Variants in RBFOX2 observed in about 807,000 individuals in gnomAD.
RBFOX2 encodes RNA binding protein fox-1 homolog 2.
In RBFOX2, 10 loss-of-function variants were observed where a neutral mutation model predicts 49.1. That is an observed-to-expected ratio of 0.20 (90% confidence interval 0.13 to 0.35). RBFOX2 has a LOEUF of 0.35. Among genes scored for constraint, RBFOX2 ranks in the 10% least tolerant of loss-of-function variants. The pLI is 1.00. For synonymous variants in RBFOX2, 183 were observed against 187.4 expected, an observed-to-expected ratio of 0.98 and a Z score of 0.19; for missense variants, 323 against 486.9, an observed-to-expected ratio of 0.66 and a Z score of 3.17.
chr22:35,809,396 TGAAA>T (rs907122005), intron 2 of RBFOX2, among the ~76,000 whole-genome samples: 28 of 152,114 alleles, frequency 1.8e-4, no homozygotes, highest in Admixed American at 5.2e-4. Context: ...GATGTACAGA[TGAAA>T]GAAAGAAAGA....
chr22:35,964,071 C>T (rs2056418959), upstream of RBFOX2, among the ~76,000 whole-genome samples: 1 of 152,140 alleles, frequency 6.6e-6, no homozygotes, highest in South Asian at 2.1e-4. Flanking sequence ...CTCCACTTTG[C>T]AAACACAGAA....
At chr22:35,927,486 C>T (rs1476620820) in intron 1 of RBFOX2, among the ~76,000 whole-genome samples, 2 of 151,792 alleles carry the variant, frequency 1.3e-5, no homozygotes, top group Non-Finnish European at 2.9e-5. Context: ...TGCCTGTAAT[C>T]CCAGCTACTC....
At chr22:35,750,461 T>C (rs1385306519) in intron 9 of RBFOX2, 1 of 1,601,954 alleles carries the variant, frequency 6.2e-7, no homozygotes, top group South Asian at 1.1e-5. Flanking sequence ...ATTCTATCTG[T>C]GTGTGATTTG....
intron 1 of RBFOX2, chr22:35,995,701 T>C: frequency 6.4e-6 from 1 of 156,620 alleles, no homozygotes; most frequent in Non-Finnish European, 1.4e-5. Context: ...CTTCCCCTTC[T>C]GCCATGATTG....
chr22:35,792,583 T>G (rs1280600603), intron 2 of RBFOX2, among the ~76,000 whole-genome samples: 1 of 152,200 alleles, frequency 6.6e-6, no homozygotes. Flanking sequence ...ATATTCATTT[T>G]CTCATCTAAT....
At chr22:35,801,503 A>G (rs1338331132) in intron 2 of RBFOX2, among the ~76,000 whole-genome samples, 3 of 151,690 alleles carry the variant, frequency 2.0e-5, no homozygotes, top group African/African-American at 7.3e-5. Context: ...ATGGCTTATG[A>G]GCAGTGAATT....
At chr22:36,018,956 G>A (rs962644761) in intron 1 of RBFOX2, among the ~76,000 whole-genome samples, 13 of 152,166 alleles carry the variant, frequency 8.5e-5, no homozygotes, top group African/African-American at 2.4e-5. Flanking sequence ...GCAGTCTGGA[G>A]AGCGGGTTTG....
chr22:35,846,322 TTATA>T (rs1304230311), intron 1 of RBFOX2, among the ~76,000 whole-genome samples: 1 of 124,234 alleles, frequency 8.0e-6, no homozygotes, highest in Non-Finnish European at 1.6e-5. Flanking sequence ...GTAAATAAAT[TTATA>T]TAGTTGTGTG....
chr22:36,022,265 T>C (rs773429967), intron 1 of RBFOX2, among the ~76,000 whole-genome samples: 10 of 152,220 alleles, frequency 6.6e-5, no homozygotes, highest in Admixed American at 2.6e-4. Flanking sequence ...CTCAATTTCT[T>C]TCTCAGCAGT....
intron 1 of RBFOX2, among the ~76,000 whole-genome samples, chr22:35,935,764 C>T (rs1046690604): frequency 1.3e-5 from 2 of 152,070 alleles, no homozygotes; most frequent in African/African-American, 2.4e-5. Flanking sequence ...AGAAAAGGAC[C>T]CTCAGACAGA....
chr22:35,954,244 G>GA (rs769495965), intron 1 of RBFOX2, among the ~76,000 whole-genome samples: 12 of 151,848 alleles, frequency 7.9e-5, no homozygotes, highest in Admixed American at 4.6e-4. Flanking sequence ...TACTTAACTA[G>GA]AAAAAAATGG....
At chr22:35,871,634 C>G (rs540202738) in intron 1 of RBFOX2, among the ~76,000 whole-genome samples, 49 of 152,252 alleles carry the variant, frequency 3.2e-4, no homozygotes, top group African/African-American at 1.1e-3. Context: ...CTCACTTTTC[C>G]TAGCCACATG....
At chr22:35,843,873 C>T (rs2040833894), upstream of RBFOX2, among the ~76,000 whole-genome samples, 1 of 152,168 alleles carries the variant, frequency 6.6e-6, no homozygotes, top group South Asian at 2.1e-4. Context: ...TAGTATTTAT[C>T]AGATTCTCAA....
intron 1 of RBFOX2, among the ~76,000 whole-genome samples, chr22:35,855,861 C>T (rs2042451590): frequency 6.6e-6 from 1 of 151,956 alleles, no homozygotes; most frequent in African/African-American, 2.4e-5. Context: ...TCCATCTCTA[C>T]CCAGGCCTGG....
intron 1 of RBFOX2, among the ~76,000 whole-genome samples, chr22:35,821,404 C>T (rs1954439921): frequency 6.6e-6 from 1 of 151,792 alleles, no homozygotes; most frequent in African/African-American, 2.4e-5. Flanking sequence ...GAGTTCGAGA[C>T]CAGCCTGGCC....
intron 1 of RBFOX2, among the ~76,000 whole-genome samples, chr22:35,908,547 T>C (rs576820716): frequency 7.2e-5 from 11 of 152,240 alleles, no homozygotes; most frequent in Non-Finnish European, 1.6e-4. Flanking sequence ...TTCTACTGAA[T>C]GAACATTGGT....
chr22:36,027,650 G>A (rs1194426077), intron 1 of RBFOX2, among the ~76,000 whole-genome samples: 1 of 152,164 alleles, frequency 6.6e-6, no homozygotes, highest in African/African-American at 2.4e-5. Flanking sequence ...CAAAGTAAAT[G>A]AGACTGAGCA....
chr22:36,016,449 A>G (rs1304593346), intron 1 of RBFOX2, among the ~76,000 whole-genome samples: 2 of 152,136 alleles, frequency 1.3e-5, no homozygotes. Context: ...TTCCAGTTAG[A>G]ATCTGACAAA....
At chr22:35,874,908 G>A (rs921151907) in intron 1 of RBFOX2, among the ~76,000 whole-genome samples, 2 of 152,158 alleles carry the variant, frequency 1.3e-5, no homozygotes, top group African/African-American at 4.8e-5. Context: ...GAGCTTCTAA[G>A]GAAATAATTA....
Sources: gnomAD v4.1 joint callset for allele counts (sites outside exome capture counted in the v4.1 genomes callset) on GRCh38, gnomAD v4.1.1 for gene constraint, MANE v1.5 for transcripts, NCBI Gene and HGNC (gene_info 2026-07-23, HGNC 2026-07-21) for gene names.